PDS5A: variants seen among roughly 807,000 people sequenced by gnomAD.
PDS5A encodes PDS5 cohesin associated factor A.
In PDS5A, 42 loss-of-function variants were observed where a neutral mutation model predicts 167.1. That is an observed-to-expected ratio of 0.25 (90% confidence interval 0.20 to 0.33). The LOEUF is 0.33. Ranked by LOEUF, PDS5A falls within the 10% of genes least tolerant of loss-of-function variation. The pLI is 1.00. For missense variants in PDS5A, 1,033 were observed against 1,605.9 expected, an observed-to-expected ratio of 0.64 and a Z score of 6.10; for synonymous variants, 553 against 554.6, an observed-to-expected ratio of 1.00 and a Z score of 0.04.
At chr4:39,850,000 C>T (rs527602973) in intron 26 of PDS5A, among the ~76,000 whole-genome samples, 9 of 152,052 alleles carry the variant, frequency 5.9e-5, no homozygotes, top group Admixed American at 2.0e-4. Flanking sequence ...AGGCTGGGCG[C>T]GGTGGCTCAT....
intron 6 of PDS5A, among the ~76,000 whole-genome samples, chr4:39,922,340 AC>A: frequency 6.6e-6 from 1 of 152,156 alleles, no homozygotes; most frequent in Non-Finnish European, 1.5e-5. Flanking sequence ...AAAAGGCAAC[AC>A]CCCTAACCCC....
intron 2 of PDS5A, chr4:39,933,421 C>G (rs964287328): frequency 1.3e-5 from 2 of 152,020 alleles, no homozygotes; most frequent in Non-Finnish European, 2.9e-5. Context: ...GGTGACAGAA[C>G]AAAATGCTAC....
intron 2 of PDS5A, among the ~76,000 whole-genome samples, chr4:39,938,905 G>C (rs1726940167): frequency 6.6e-6 from 1 of 151,926 alleles, no homozygotes; most frequent in African/African-American, 2.4e-5. Context: ...GGGAGTCCGA[G>C]GTTGCAGTGA....
At chr4:39,869,524 T>G in intron 21 of PDS5A, 62 bp from the exon 22 acceptor site, 1 of 1,016,010 alleles carries the variant, frequency 9.8e-7, no homozygotes, top group Admixed American at 1.8e-5. Context: ...TTTTTGCTGA[T>G]TAAGTTTTTC....
intron 22 of PDS5A, among the ~76,000 whole-genome samples, chr4:39,867,744 ACACACACACAC>A: frequency 1.3e-5 from 1 of 79,144 alleles, no homozygotes; most frequent in South Asian, 5.2e-4. Context: ...ACACACACAC[ACACACACACAC>A]ACACACACAC....
chr4:39,844,893 T>C, intron 29 of PDS5A, 92 bp from the exon 30 acceptor site: 1 of 1,318,992 alleles, frequency 7.6e-7, no homozygotes, highest in Non-Finnish European at 1.0e-6. Flanking sequence ...AGAGATATTG[T>C]TAAGTGCTAA....
intron 11 of PDS5A, among the ~76,000 whole-genome samples, 187 bp from the exon 12 acceptor site, chr4:39,904,378 G>A (rs572114132): frequency 6.6e-5 from 10 of 152,100 alleles, no homozygotes; most frequent in African/African-American, 1.4e-4. Flanking sequence ...TCACTCTGTC[G>A]CCTAGGCTGG....
At chr4:39,948,047 G>C (rs139674913) in intron 2 of PDS5A, among the ~76,000 whole-genome samples, 1 of 152,114 alleles carries the variant, frequency 6.6e-6, no homozygotes, top group Non-Finnish European at 1.5e-5. Context: ...GACAAGGAAT[G>C]CAAGACTAGC....
chr4:39,916,931 T>G (rs867505310), intron 8 of PDS5A, 117 bp downstream of exon 8: 2 of 496,960 alleles, frequency 4.0e-6, no homozygotes, highest in African/African-American at 4.1e-5. Context: ...AGAAAAATTA[T>G]GCGGTATACA....
At chr4:39,906,696 C>T (rs1723380206) in intron 11 of PDS5A, among the ~76,000 whole-genome samples, 1 of 151,288 alleles carries the variant, frequency 6.6e-6, no homozygotes, top group African/African-American at 2.4e-5. Context: ...GCAAGAGGAT[C>T]ACTTGAATCC....
chr4:39,846,845 TCA>T (rs1417323440), intron 28 of PDS5A: 1 of 152,168 alleles, frequency 6.6e-6, no homozygotes, highest in Non-Finnish European at 1.5e-5. Flanking sequence ...TGTGAGGAAA[TCA>T]CAGTTTTGTC....
At chr4:39,910,815 C>G (rs1347949597) in intron 9 of PDS5A, among the ~76,000 whole-genome samples, 1 of 152,078 alleles carries the variant, frequency 6.6e-6, no homozygotes, top group Admixed American at 6.5e-5. Flanking sequence ...GAACACATGG[C>G]AAAACCCTGT....
intron 2 of PDS5A, among the ~76,000 whole-genome samples, chr4:39,944,308 G>T (rs1727536263): frequency 6.6e-6 from 1 of 151,876 alleles, no homozygotes. Context: ...AAATTACCTG[G>T]ATACTGACTG....
Position 39,925,898 on chromosome 4 carries a change from A to T in PDS5A, c.465T>A (p.Phe155Leu). The T allele has an allele frequency of 1.3e-6, 2 of 1,509,338 alleles. No homozygotes were observed. Among genetic ancestry groups the T allele is most frequent in the Non-Finnish European group, 1.8e-6 (2 of 1,103,074 alleles). 93.5% of individuals were successfully genotyped at this position (1,509,338 alleles called of 1,614,324 possible). ...AAATTTCATTGCAATCTTCCAATTC[A>T]AAGCAGATGTTATATGATTTAACCC... ...LAWVKSYNIC[F>L]ELEDCNEIFI... Residue 155 changes from phenylalanine to leucine, a missense_variant, in exon 5 of 33, where the codon TTT (phenylalanine) becomes TTA (leucine). By Grantham distance (22) the Phe-to-Leu change is conservative. Around this residue, in one of 4 missense-constraint regions of PDS5A, gnomAD observed 388 missense variants for 615.1 expected, o/e 0.63. Coordinates refer to ENST00000303538, the MANE Select transcript of PDS5A (RefSeq NM_001100399.2).
chr4:39,878,187 G>C (rs981656501), intron 18 of PDS5A, among the ~76,000 whole-genome samples: 6 of 152,140 alleles, frequency 3.9e-5, no homozygotes, highest in Non-Finnish European at 8.8e-5. Context: ...CTTATTTAAT[G>C]GTCATTAAGT....
rs756876255 is a variant in PDS5A at position 39,913,744 on chromosome 4, A to G, written c.877-18T>C. ...TCATTGCTCTAAGAAGGGAAAACAG[A>G]AAGTGAAGCCTAAGCTTTATTCACC... On this transcript the variant is annotated intron_variant, in intron 8 of 32. Coordinates refer to ENST00000303538, the MANE Select transcript of PDS5A (RefSeq NM_001100399.2). The G allele has an allele frequency of 1.6e-6, 2 of 1,260,966 alleles. No homozygotes were observed. Among genetic ancestry groups the G allele is most frequent in the Non-Finnish European group, 2.3e-6 (2 of 858,090 alleles). 78.1% of individuals were successfully genotyped at this position (1,260,966 alleles called of 1,614,324 possible).
intron 17 of PDS5A, among the ~76,000 whole-genome samples, chr4:39,886,034 T>A (rs1366798515): frequency 2.0e-5 from 3 of 152,260 alleles, no homozygotes; most frequent in African/African-American, 4.8e-5. Flanking sequence ...AGTTTCATTC[T>A]TCTGCTAATC....
intron 2 of PDS5A, among the ~76,000 whole-genome samples, chr4:39,964,013 T>C (rs1729747658): frequency 6.6e-6 from 1 of 152,106 alleles, no homozygotes; most frequent in Non-Finnish European, 1.5e-5. Flanking sequence ...TTCAAGTGAT[T>C]CTCCTGCCTC....
At chr4:39,914,158 A>ATTTTTTT in intron 8 of PDS5A, among the ~76,000 whole-genome samples, 1 of 133,348 alleles carries the variant, frequency 7.5e-6, no homozygotes. Context: ...TGATATACAA[A>ATTTTTTT]TTTGTTTTTT....
Sources: gnomAD v4.1 joint callset for allele counts (sites outside exome capture counted in the v4.1 genomes callset) on GRCh38, gnomAD v4.1.1 for gene constraint, gnomAD v4.1.1 regional missense constraint, MANE v1.5 for transcripts, NCBI Gene and HGNC (gene_info 2026-07-23, HGNC 2026-07-21) for gene names.